The following N4BP2L2 variants were observed in gnomAD, a reference collection of about 807,000 sequenced individuals.
The protein encoded by N4BP2L2 is NEDD4-binding protein 2-like 2.
N4BP2L2 carries 50 observed loss-of-function variants against 56.2 expected under a neutral mutation model. The observed-to-expected ratio is 0.89, with a 90% CI of 0.71 to 1.13. The LOEUF is 1.13. N4BP2L2 is among the 50% of genes most tolerant of loss of function. The probability of loss-of-function intolerance (pLI) is 0.00; values close to 1 mark genes in which losing one functional copy is unlikely to be tolerated. For synonymous variants in N4BP2L2, 203 were observed against 223.6 expected, an observed-to-expected ratio of 0.91 and a Z score of 0.82; for missense variants, 689 against 693.8, an observed-to-expected ratio of 0.99 and a Z score of 0.08.
intron 6 of N4BP2L2, among the ~76,000 whole-genome samples, chr13:32,472,470 T>A (rs1333016491): frequency 6.6e-6 from 1 of 152,154 alleles, no homozygotes; most frequent in African/African-American, 2.4e-5. Flanking sequence ...TTCTTTTTTT[T>A]CCCCTCACAC....
downstream of N4BP2L2, chr13:32,506,964 T>C (rs1044873371): frequency 1.3e-5 from 2 of 151,570 alleles, no homozygotes; most frequent in African/African-American, 4.9e-5. Context: ...CACAAGGAGC[T>C]TCTAAGGTGC....
chr13:32,535,655 T>C, intron 2 of N4BP2L2, 114 bp downstream of exon 2: 2 of 1,152,434 alleles, frequency 1.7e-6, no homozygotes, highest in Non-Finnish European at 2.4e-6. Context: ...TGGTCCACCC[T>C]GGCCTCCCAA....
At chr13:32,517,532 C>T in exon 6 of N4BP2L2, 3 of 1,141,930 alleles carry the variant, frequency 2.6e-6, no homozygotes, top group East Asian at 5.0e-5. Flanking sequence ...TGTAGAAAAA[C>T]ATCCTAGCTC....
chr13:32,496,648 T>G (rs372725748), intron 6 of N4BP2L2, among the ~76,000 whole-genome samples: 1 of 152,218 alleles, frequency 6.6e-6, no homozygotes, highest in East Asian at 1.9e-4. Context: ...AAGCCATTCC[T>G]AATGCCATGC....
At chr13:32,476,347 G>C (rs912804560) in intron 6 of N4BP2L2, among the ~76,000 whole-genome samples, 3 of 152,138 alleles carry the variant, frequency 2.0e-5, no homozygotes, top group Non-Finnish European at 4.4e-5. Flanking sequence ...CTTTGCTTTT[G>C]TCTAAAAGTG....
exon 7 of N4BP2L2, chr13:32,442,453 A>T: frequency 6.2e-7 from 1 of 1,612,498 alleles, no homozygotes. Context: ...TGATAATGGT[A>T]GCTCAAGGGA....
chr13:32,499,837 C>T (rs1263073004), intron 6 of N4BP2L2, among the ~76,000 whole-genome samples: 1 of 152,144 alleles, frequency 6.6e-6, no homozygotes, highest in Admixed American at 6.5e-5. Context: ...TTAAATCAGT[C>T]CATCTCTCAC....
At chr13:32,492,296 T>TTTTTTC in intron 6 of N4BP2L2, among the ~76,000 whole-genome samples, 1 of 144,704 alleles carries the variant, frequency 6.9e-6, no homozygotes, top group Non-Finnish European at 1.5e-5. Context: ...TTTTTTTTTT[T>TTTTTTC]TTTTGACACA....
chr13:32,487,819 A>AT lies in N4BP2L2; in HGVS notation c.365+30037dup, dbSNP rs548068430. Among the ~76,000 whole-genome samples, 48 of 151,898 alleles carry AT rather than the reference A, an allele frequency of 3.2e-4. No homozygotes were observed. The South Asian group carries it at 9.5e-3, about 30-fold the overall frequency. On this transcript the variant is annotated intron_variant, in intron 6 of 9. Coordinates refer to the N4BP2L2 transcript ENST00000357505. ...TTGTGAGCATTTTTACAAGCTCTTTATTTTTCTGAATAATTATGCTTACTA... is the reference window on the plus strand; with the variant it reads ...TTGTGAGCATTTTTACAAGCTCTTTATTTTTTCTGAATAATTATGCTTACTA...
At chr13:32,536,374 A>G in exon 2 of N4BP2L2, 1 of 1,614,124 alleles carries the variant, frequency 6.2e-7, no homozygotes, top group Non-Finnish European at 8.5e-7. Flanking sequence ...TCTTTTCTTC[A>G]TCAGGTTTTA....
At chr13:32,454,246 T>TTGA (rs935580647) in intron 6 of N4BP2L2, among the ~76,000 whole-genome samples, 7 of 152,174 alleles carry the variant, frequency 4.6e-5, no homozygotes, top group Admixed American at 1.3e-4. Flanking sequence ...AGCATTTTTG[T>TTGA]TGATGATGAT....
Position 32,536,188 on chromosome 13 carries a change from G to A in N4BP2L2, c.840C>T (p.Pro280=), listed in dbSNP as rs755031117. 4.3e-6 allele frequency: 7 copies of A among 1,613,614 alleles called. No individual in the cohort carries two copies. In the Admixed American group the frequency reaches 1.0e-4, roughly 23 times the overall value. Residue 280 remains proline (P), a synonymous_variant, in exon 2 of 6, where the codon CCC becomes CCT. Transcript: ENST00000267068. ...AATGATAGTTCAAACTGGGAAGAGG[G>A]GGACCATAGGGCACTATAAAAGGAT...
chr13:32,482,345 A>G lies in N4BP2L2; in HGVS notation c.365+35512T>C, dbSNP rs1281964706. Among the ~76,000 whole-genome samples, 3 of 152,252 alleles carry G rather than the reference A, an allele frequency of 2.0e-5. No homozygotes were observed. In the East Asian group the frequency reaches 5.8e-4, roughly 29 times the overall value. On this transcript the variant is annotated intron_variant, in intron 6 of 9. Coordinates refer to the N4BP2L2 transcript ENST00000357505. Reference sequence around the variant, plus strand: ...TGGGGTTTACATACCTAGCGTGATTATAATTAAACTGATTACTTGTAATTA... The same window carrying G: ...TGGGGTTTACATACCTAGCGTGATTGTAATTAAACTGATTACTTGTAATTA...
chr13:32,475,494 C>G (rs1175658650), intron 6 of N4BP2L2, among the ~76,000 whole-genome samples: 2 of 152,140 alleles, frequency 1.3e-5, no homozygotes, highest in Non-Finnish European at 1.5e-5. Context: ...ACATAGGGCT[C>G]ATAGATTGGT....
At chr13:32,520,746 G>A (rs1357444905) in intron 5 of N4BP2L2, among the ~76,000 whole-genome samples, 1 of 151,908 alleles carries the variant, frequency 6.6e-6, no homozygotes, top group Non-Finnish European at 1.5e-5. Flanking sequence ...AGGTACAAAT[G>A]GAAGAGTTAG....
At chr13:32,533,585 G>T (rs1006492179) in intron 2 of N4BP2L2, among the ~76,000 whole-genome samples, 1 of 140,240 alleles carries the variant, frequency 7.1e-6, no homozygotes, top group Admixed American at 7.6e-5. Flanking sequence ...GCAATGGCAC[G>T]ATCATGGCTC....
chr13:32,455,435 T>A lies in N4BP2L2; in HGVS notation c.366-11309A>T, dbSNP rs77766259. Among the ~76,000 whole-genome samples, 78 of 152,302 alleles carry A rather than the reference T, an allele frequency of 5.1e-4. No homozygotes were observed. The East Asian group carries it at 0.014, about 27-fold the overall frequency. ...ATGTGCACAAGCCCTGAGATCAGAC[T>A]CTGCCGCTGCCCATTGCAGCTGCCA... On this transcript the variant is annotated intron_variant, in intron 6 of 9. Transcript: ENST00000357505.
Position 32,526,188 on chromosome 13 carries a change from A to C in N4BP2L2, c.1384+1220T>G, listed in dbSNP as rs182010246. Among the ~76,000 whole-genome samples the C allele has an allele frequency of 3.9e-5, 6 of 152,354 alleles. No homozygotes were observed. In the East Asian group the frequency reaches 1.2e-3, roughly 29 times the overall value. On this transcript the variant is annotated intron_variant, in intron 3 of 5. Transcript: ENST00000267068. ...GAACTTTCTACAGGACAAACAACAT[A>C]GTTTCTGCAACAAGTTAATGGTATG...
At chr13:32,439,605 T>C (rs904211046) in intron 7 of N4BP2L2, among the ~76,000 whole-genome samples, 1 of 152,202 alleles carries the variant, frequency 6.6e-6, no homozygotes, top group African/African-American at 2.4e-5. Flanking sequence ...GACCTTGGAC[T>C]ACGATCTCAG....
Sources: gnomAD v4.1 joint callset for allele counts (sites outside exome capture counted in the v4.1 genomes callset) on GRCh38, gnomAD v4.1.1 for gene constraint, MANE v1.5 for transcripts, NCBI Gene and HGNC (gene_info 2026-07-23, HGNC 2026-07-21) for gene names.